The following SUCLG2 variants were observed in gnomAD, a reference collection of about 807,000 sequenced individuals.
SUCLG2 encodes succinate--CoA ligase [GDP-forming] subunit beta, mitochondrial.
Under a neutral mutation model 47.9 loss-of-function variants are expected in SUCLG2, and 42 were observed. The observed-to-expected ratio is 0.88, with a 90% CI of 0.69 to 1.14. SUCLG2 has a LOEUF of 1.14. SUCLG2 is among the 50% of genes most tolerant of loss of function. The probability of loss-of-function intolerance (pLI) is 0.00; values close to 1 mark genes in which losing one functional copy is unlikely to be tolerated. For missense variants in SUCLG2, 571 were observed against 525.9 expected, an observed-to-expected ratio of 1.09 and a Z score of -0.84; for synonymous variants, 195 against 197.3, an observed-to-expected ratio of 0.99 and a Z score of 0.10.
At chr3:67,649,775 A>C (rs1483727407) in intron 1 of SUCLG2, among the ~76,000 whole-genome samples, 1 of 152,256 alleles carries the variant, frequency 6.6e-6, no homozygotes, top group East Asian at 1.9e-4. Context: ...ATCAAGTAAC[A>C]GAAAGTGATG....
chr3:67,385,928 C>G (rs1014260713), intron 10 of SUCLG2, among the ~76,000 whole-genome samples: 1 of 152,078 alleles, frequency 6.6e-6, no homozygotes, highest in African/African-American at 2.4e-5. Flanking sequence ...GGTTGGCTAC[C>G]TATGGGATCT....
At chr3:67,620,584 C>CAAAAAAA (rs71109890) in intron 1 of SUCLG2, among the ~76,000 whole-genome samples, 22,624 of 62,666 alleles carry the variant, frequency 0.36, 3,586 homozygotes, top group Non-Finnish European at 0.42. Context: ...GACTCCATCT[C>CAAAAAAA]AAAAAAAAAA....
intron 4 of SUCLG2, 151 bp from the exon 5 acceptor site, chr3:67,520,785 C>T: frequency 2.4e-6 from 2 of 823,140 alleles, no homozygotes; most frequent in Non-Finnish European, 3.8e-6. Flanking sequence ...GAGTTCTGCT[C>T]TCATGGTGCA....
intron 9 of SUCLG2, among the ~76,000 whole-genome samples, chr3:67,494,612 C>T (rs1485037132): frequency 2.0e-5 from 3 of 151,886 alleles, no homozygotes; most frequent in African/African-American, 4.8e-5. Context: ...GGTGACAGAA[C>T]GAGACCCTGT....
At chr3:67,418,228 A>G (rs927264081) in intron 9 of SUCLG2, among the ~76,000 whole-genome samples, 5 of 152,218 alleles carry the variant, frequency 3.3e-5, no homozygotes, top group African/African-American at 1.2e-4. Context: ...TAATTAAAAT[A>G]AGGCACTAAG....
At chr3:67,494,070 C>A (rs1705269801) in intron 9 of SUCLG2, among the ~76,000 whole-genome samples, 1 of 152,058 alleles carries the variant, frequency 6.6e-6, no homozygotes, top group African/African-American at 2.4e-5. Context: ...CATAAGGCCA[C>A]CAACTATGTA....
At chr3:67,511,873 G>C (rs1008411272) in intron 6 of SUCLG2, among the ~76,000 whole-genome samples, 1 of 146,054 alleles carries the variant, frequency 6.8e-6, no homozygotes, top group Non-Finnish European at 1.5e-5. Context: ...GTGTGTACAA[G>C]AGAGTGTTGC....
At chr3:67,379,257 A>G (rs1258989110) in intron 10 of SUCLG2, among the ~76,000 whole-genome samples, 1 of 152,022 alleles carries the variant, frequency 6.6e-6, no homozygotes, top group East Asian at 1.9e-4. Flanking sequence ...GTAAATTTCT[A>G]TCTCCTCCTG....
intron 10 of SUCLG2, among the ~76,000 whole-genome samples, chr3:67,387,279 T>C (rs1197995383): frequency 6.6e-6 from 1 of 152,144 alleles, no homozygotes; most frequent in African/African-American, 2.4e-5. Context: ...AGTCAATGAG[T>C]GCATCAGTAT....
At chr3:67,510,435 C>T (rs1017859385) in intron 6 of SUCLG2, among the ~76,000 whole-genome samples, 1 of 152,004 alleles carries the variant, frequency 6.6e-6, no homozygotes, top group East Asian at 1.9e-4. Context: ...ACAAAATTCC[C>T]GAAGAACTTA....
At chr3:67,457,488 T>C (rs1249740468) in intron 9 of SUCLG2, among the ~76,000 whole-genome samples, 3 of 152,084 alleles carry the variant, frequency 2.0e-5, no homozygotes, top group African/African-American at 7.2e-5. Flanking sequence ...AATTGGGGAA[T>C]TGGGGAACTT....
At chr3:67,401,413 T>TA (rs1193971867) in intron 9 of SUCLG2, among the ~76,000 whole-genome samples, 1 of 151,964 alleles carries the variant, frequency 6.6e-6, no homozygotes, top group South Asian at 2.1e-4. Flanking sequence ...ACCTTTTGAT[T>TA]AAAAAAAGAC....
chr3:67,544,496 C>T (rs1376776205), intron 2 of SUCLG2, among the ~76,000 whole-genome samples: 1 of 152,138 alleles, frequency 6.6e-6, no homozygotes, highest in African/African-American at 2.4e-5. Flanking sequence ...CTTCGCCTTC[C>T]ACCATGATTG....
At chr3:67,429,764 G>C (rs1329613205) in intron 9 of SUCLG2, among the ~76,000 whole-genome samples, 1 of 151,964 alleles carries the variant, frequency 6.6e-6, no homozygotes, top group Non-Finnish European at 1.5e-5. Context: ...GATCTACCAA[G>C]CAAATGGAAA....
chr3:67,603,148 T>C (rs1218090871), intron 2 of SUCLG2, among the ~76,000 whole-genome samples: 1 of 152,208 alleles, frequency 6.6e-6, no homozygotes, highest in African/African-American at 2.4e-5. Flanking sequence ...AGCTGATATG[T>C]TGGTAAAAGG....
chr3:67,625,845 C>T (rs1336143108), intron 1 of SUCLG2, among the ~76,000 whole-genome samples: 1 of 152,028 alleles, frequency 6.6e-6, no homozygotes, highest in East Asian at 1.9e-4. Flanking sequence ...CTGGACCAAG[C>T]TGTCTAAACC....
chr3:67,529,228 CTTTT>C, intron 2 of SUCLG2, 42 bp from the exon 3 acceptor site: 1 of 1,537,014 alleles, frequency 6.5e-7, no homozygotes, highest in Non-Finnish European at 8.9e-7. Flanking sequence ...ATTTTAAATT[CTTTT>C]TTTGTTTTTT....
chr3:67,486,818 A>C (rs1301188705), intron 9 of SUCLG2, among the ~76,000 whole-genome samples: 2 of 152,210 alleles, frequency 1.3e-5, no homozygotes, highest in African/African-American at 4.8e-5. Context: ...ATGAAAGCTG[A>C]AACAAGAAGG....
chr3:67,611,520 G>A (rs887967165), intron 1 of SUCLG2, among the ~76,000 whole-genome samples: 7 of 152,198 alleles, frequency 4.6e-5, no homozygotes, highest in South Asian at 2.1e-4. Context: ...GGCATTTAGC[G>A]AAAAAGCCCC....
Sources: gnomAD v4.1 joint callset for allele counts (sites outside exome capture counted in the v4.1 genomes callset) on GRCh38, gnomAD v4.1.1 for gene constraint, MANE v1.5 for transcripts, NCBI Gene and HGNC (gene_info 2026-07-23, HGNC 2026-07-21) for gene names.